PARD3B: variants seen among roughly 807,000 people sequenced by gnomAD.
PARD3B encodes the protein par-3 family cell polarity regulator beta.
In PARD3B, 103 loss-of-function variants were observed where a neutral mutation model predicts 130.2. That is an observed-to-expected ratio of 0.79 (90% CI 0.67 to 0.93). The LOEUF is 0.93. PARD3B is among the 40% of genes least tolerant of loss of function. The pLI is 0.00. For synonymous variants in PARD3B, 583 were observed against 553.2 expected (o/e 1.05, Z -0.76); for missense variants, 1,609 against 1,499.2 (o/e 1.07, Z -1.21).
chr2:205,350,910 A>G (rs1300436896), intron 18 of PARD3B, among the ~76,000 whole-genome samples: 2 of 152,190 alleles, frequency 1.3e-5, no homozygotes, highest in Non-Finnish European at 2.9e-5. Flanking sequence ...ATTATTATTA[A>G]TACTTAATAG....
chr2:205,325,153 C>T lies in PARD3B; in HGVS notation c.2630+23452C>T, dbSNP rs2042895902. On this transcript the variant is annotated intron_variant, in intron 18 of 22. Coordinates refer to ENST00000406610, the MANE Select transcript of PARD3B (RefSeq NM_001302769.2). This position sits in a 1 kb window ranked among gnomAD's most constrained non-coding sequence, Gnocchi z 4.1. The stretch of plus-strand genomic sequence containing the variant: ...CCAGCCCACTTACTACAGTACTGCC[C>T]ATCTGATCTTCACAAACATATATTT... Among the ~76,000 whole-genome samples the T allele has an allele frequency of 6.6e-6, 1 of 152,116 alleles. No homozygotes were observed. The highest frequency in any genetic ancestry group is 1.5e-5 in the Non-Finnish European group (1 of 68,016).
At chr2:204,719,122 A>G (rs1474760721) in intron 2 of PARD3B, among the ~76,000 whole-genome samples, 3 of 152,234 alleles carry the variant, frequency 2.0e-5, no homozygotes, top group African/African-American at 4.8e-5. Context: ...TTTTCATACT[A>G]TTGAACTTCA....
intron 18 of PARD3B, among the ~76,000 whole-genome samples, chr2:205,377,483 G>A (rs1350746808): frequency 1.3e-5 from 2 of 152,086 alleles, no homozygotes; most frequent in East Asian, 3.9e-4. Context: ...CAGAAATGAG[G>A]GATGAGAGGG....
intron 20 of PARD3B, among the ~76,000 whole-genome samples, chr2:205,485,062 T>C (rs1277203687): frequency 6.6e-6 from 1 of 152,226 alleles, no homozygotes; most frequent in Non-Finnish European, 1.5e-5. Context: ...TGCCATTACC[T>C]CGCCTGAATG....
At chr2:205,595,510 T>C (rs1282685904) in intron 22 of PARD3B, among the ~76,000 whole-genome samples, 1 of 152,228 alleles carries the variant, frequency 6.6e-6, no homozygotes, top group Non-Finnish European at 1.5e-5. Flanking sequence ...ATTTAAATTA[T>C]TAAAGCTGCA....
At position 205,263,474 on chromosome 2, in the gene PARD3B, T is replaced by G. The variant is rs1178037489; in HGVS notation, c.2185+17652T>G. ...TTAAAGTAAAATTCTGTCATTTCAC[T>G]TCTTATAAACCTTCAATATGGAACA... On this transcript the variant is annotated intron_variant, in intron 16 of 22. Transcript: ENST00000406610. This position sits in a 1 kb window ranked among gnomAD's most constrained non-coding sequence, Gnocchi z 4.0. Among the ~76,000 whole-genome samples the G allele has an allele frequency of 6.6e-6, 1 of 151,194 alleles. No individual in the cohort carries two copies. Among genetic ancestry groups the G allele is most frequent in the Non-Finnish European group, 1.5e-5 (1 of 67,684 alleles).
intron 21 of PARD3B, among the ~76,000 whole-genome samples, chr2:205,548,134 A>G (rs1229187867): frequency 1.3e-5 from 2 of 152,066 alleles, no homozygotes; most frequent in Non-Finnish European, 2.9e-5. Flanking sequence ...CCTGCCCTTT[A>G]AATGATGGTG....
At position 205,126,555 on chromosome 2, in the gene PARD3B, C is replaced by T. The variant is rs528159099; in HGVS notation, c.1434+818C>T. Among the ~76,000 whole-genome samples the T allele has an allele frequency of 4.7e-5, 7 of 150,436 alleles. No homozygotes were observed. In the East Asian group the frequency reaches 1.4e-3, roughly 30 times the overall value. On this transcript the variant is annotated intron_variant, in intron 10 of 22. Coordinates refer to ENST00000406610, the MANE Select transcript of PARD3B (RefSeq NM_001302769.2). The stretch of plus-strand genomic sequence containing the variant: ...AGGAGATCGAGACCATCCTGGCTAA[C>T]AAGGTGAAACCCCGTCTCTACTAAA...
chr2:205,331,290 C>CACACAT (rs1553676419), intron 18 of PARD3B, among the ~76,000 whole-genome samples: 1 of 148,314 alleles, frequency 6.7e-6, no homozygotes, highest in African/African-American at 2.5e-5. Context: ...CACACACACA[C>CACACAT]GTACACATAC....
chr2:205,175,296 A>T (rs1164219197), intron 12 of PARD3B, among the ~76,000 whole-genome samples: 1 of 152,152 alleles, frequency 6.6e-6, no homozygotes, highest in Non-Finnish European at 1.5e-5. Flanking sequence ...CTCCAGCTTT[A>T]ATTTAGGACT....
chr2:205,403,147 C>G (rs570142875), intron 19 of PARD3B, among the ~76,000 whole-genome samples: 15 of 152,304 alleles, frequency 9.8e-5, no homozygotes, highest in African/African-American at 3.4e-4. Context: ...TTATACTTTT[C>G]TCCTAATATG....
chr2:204,710,066 A>G (rs1272850183), intron 2 of PARD3B, among the ~76,000 whole-genome samples: 1 of 152,214 alleles, frequency 6.6e-6, no homozygotes, highest in Non-Finnish European at 1.5e-5. Context: ...TTACCTGTCT[A>G]TTTAATACTT....
rs915217720 is a variant in PARD3B at position 204,887,375 on chromosome 2, G to A, written c.223-77777G>A. Among the ~76,000 whole-genome samples, 6 of 152,100 alleles carry A rather than the reference G, an allele frequency of 3.9e-5. No homozygotes were observed. Among genetic ancestry groups the A allele is most frequent in the Non-Finnish European group, 5.9e-5 (4 of 68,014 alleles). ...GCATTAGTGGAATATTACTGAAGCC[G>A]AAGCCATTACTTGGTTGTGATTTAC... On this transcript the variant is annotated intron_variant, in intron 2 of 22. Coordinates refer to ENST00000406610, the MANE Select transcript of PARD3B (RefSeq NM_001302769.2). This position sits in a 1 kb window ranked among gnomAD's most constrained non-coding sequence, Gnocchi z 4.2.
At chr2:205,385,825 G>A (rs1198699121) in intron 18 of PARD3B, among the ~76,000 whole-genome samples, 4 of 151,960 alleles carry the variant, frequency 2.6e-5, no homozygotes, top group African/African-American at 9.7e-5. Flanking sequence ...AAATATATAG[G>A]TATTTCAGTA....
intron 2 of PARD3B, among the ~76,000 whole-genome samples, chr2:204,755,254 A>C (rs1052607668): frequency 6.6e-6 from 1 of 152,132 alleles, no homozygotes; most frequent in Non-Finnish European, 1.5e-5. Context: ...GGCAGTGAAC[A>C]CTAGTGTTCA....
At chr2:204,749,660 C>T (rs1286301694) in intron 2 of PARD3B, among the ~76,000 whole-genome samples, 8 of 152,216 alleles carry the variant, frequency 5.3e-5, no homozygotes, top group African/African-American at 1.2e-4. Flanking sequence ...GTTCTCGATA[C>T]GGTTTAAAAG....
intron 20 of PARD3B, among the ~76,000 whole-genome samples, chr2:205,496,274 G>T (rs141959131): frequency 6.4e-4 from 97 of 152,200 alleles, no homozygotes; most frequent in Non-Finnish European, 8.1e-4. Flanking sequence ...AAGCATATGT[G>T]TATTATCTGC....
intron 15 of PARD3B, among the ~76,000 whole-genome samples, chr2:205,208,539 A>G (rs1432384079): frequency 6.9e-6 from 1 of 145,106 alleles, no homozygotes; most frequent in African/African-American, 2.7e-5. Context: ...TACAAAATCA[A>G]TGTACAAAAA....
chr2:205,185,898 GTTATTGTTT>G (rs1461518153), intron 14 of PARD3B, 35 bp downstream of exon 14: 2 of 1,545,544 alleles, frequency 1.3e-6, no homozygotes, highest in Non-Finnish European at 1.8e-6. Flanking sequence ...AATGCTCCTT[GTTATTGTTT>G]TTCTGGGAGA....
Sources: allele counts gnomAD v4.1 joint callset (sites outside exome capture counted in the v4.1 genomes callset), GRCh38; gene constraint gnomAD v4.1.1; non-coding constraint Gnocchi (gnomAD v3.1); transcripts MANE v1.5; gene names NCBI Gene and HGNC (gene_info 2026-07-23, HGNC 2026-07-21).